DDX60: variants seen among roughly 807,000 people sequenced by gnomAD.
DDX60 encodes DExD/H-box helicase 60, also known as probable ATP-dependent RNA helicase DDX60.
In DDX60, 165 loss-of-function variants were observed where a neutral mutation model predicts 212.8. The observed-to-expected ratio is 0.78, with a 90% CI of 0.68 to 0.88. The LOEUF is 0.88. Ranked by LOEUF, DDX60 falls within the 40% of genes least tolerant of loss-of-function variation. DDX60 has a pLI of 0.00. For synonymous variants in DDX60, 703 were observed against 685.3 expected, an observed-to-expected ratio of 1.03 and a Z score of -0.40; for missense variants, 1,905 against 2,003.9, an observed-to-expected ratio of 0.95 and a Z score of 0.94.
chr4:168,280,645 C>T lies in DDX60; in HGVS notation c.1723-55G>A, dbSNP rs1199742354. On this transcript the variant is annotated intron_variant, in intron 13 of 37. Coordinates refer to ENST00000393743, the MANE Select transcript of DDX60 (RefSeq NM_017631.6). Reference sequence around the variant, plus strand: ...ACAAGTTGAAAATATTCCAAGATAACAGGTCATGAGTGAGACAATATTATG... The same window carrying T: ...ACAAGTTGAAAATATTCCAAGATAATAGGTCATGAGTGAGACAATATTATG... 4 of 1,540,118 alleles carry T rather than the reference C, an allele frequency of 2.6e-6. No homozygotes were observed. The African/African-American group carries it at 5.5e-5, about 21-fold the overall frequency.
At chr4:168,307,951 G>C in intron 4 of DDX60, 55 bp downstream of exon 4, 2 of 1,092,998 alleles carry the variant, frequency 1.8e-6, no homozygotes, top group Non-Finnish European at 2.5e-6. Context: ...TAATAATTTA[G>C]GAAATTTTAG....
intron 33 of DDX60, chr4:168,236,046 C>T (rs1733619949): frequency 2.2e-6 from 1 of 444,814 alleles, no homozygotes; most frequent in Non-Finnish European, 3.9e-6. Flanking sequence ...TCTTTTTTTT[C>T]ACAAAGACTT....
At chr4:168,303,041 A>G (rs190251474) in intron 5 of DDX60, among the ~76,000 whole-genome samples, 16 of 152,214 alleles carry the variant, frequency 1.1e-4, no homozygotes, top group African/African-American at 3.9e-4. Context: ...GGTGGCTCAC[A>G]CCTGTAATCC....
intron 22 of DDX60, 29 bp downstream of exon 22, chr4:168,267,553 A>C: frequency 8.2e-7 from 1 of 1,213,238 alleles, no homozygotes; most frequent in Non-Finnish European, 1.1e-6. Context: ...TATATTACTT[A>C]GAACAAATAT....
At chr4:168,305,298 A>G (rs926735463) in intron 5 of DDX60, among the ~76,000 whole-genome samples, 1 of 152,244 alleles carries the variant, frequency 6.6e-6, no homozygotes, top group Admixed American at 6.5e-5. Flanking sequence ...GACTGTACTA[A>G]CTAAAGCAAT....
chr4:168,238,427 GGGAAGGGAAGGGAAGGGA>G (rs1733714584), intron 30 of DDX60, among the ~76,000 whole-genome samples: 1 of 4,566 alleles, frequency 2.2e-4, no homozygotes, highest in African/African-American at 7.2e-4. Context: ...GGGGAGGGAA[GGGAAGGGAAGGGAAGGGA>G]AGGGAAGGGA....
chr4:168,325,036 A>AT, the DDX60 span, among the ~76,000 whole-genome samples: 1 of 152,190 alleles, frequency 6.6e-6, no homozygotes, highest in African/African-American at 2.4e-5. Flanking sequence ...ATTATAGCAG[A>AT]TTTTTTTAAA....
At chr4:168,243,402 A>C (rs1733917331) in intron 30 of DDX60, among the ~76,000 whole-genome samples, 1 of 152,208 alleles carries the variant, frequency 6.6e-6, no homozygotes, top group Non-Finnish European at 1.5e-5. Context: ...GAACTTAAAC[A>C]AATTTATAAG....
chr4:168,265,985 C>A (rs1174883283), intron 22 of DDX60, among the ~76,000 whole-genome samples: 1 of 152,044 alleles, frequency 6.6e-6, no homozygotes, highest in Non-Finnish European at 1.5e-5. Context: ...AGTTAAGTCA[C>A]AAGAATTTTG....
At chr4:168,287,252 A>C in intron 9 of DDX60, 49 bp from the exon 10 acceptor site, 1 of 1,456,752 alleles carries the variant, frequency 6.9e-7, no homozygotes, top group Non-Finnish European at 9.4e-7. Flanking sequence ...CCACTCCCAC[A>C]TAAAGAATCA....
chr4:168,313,928 T>C (rs1737250665), intron 1 of DDX60, among the ~76,000 whole-genome samples: 2 of 152,258 alleles, frequency 1.3e-5, no homozygotes, highest in African/African-American at 4.8e-5. Context: ...CGTTAAACAC[T>C]GTGAAACTTT....
intron 19 of DDX60, among the ~76,000 whole-genome samples, chr4:168,270,536 G>T (rs1735044248): frequency 6.6e-6 from 1 of 152,150 alleles, no homozygotes; most frequent in South Asian, 2.1e-4. Flanking sequence ...AATAGCCAAA[G>T]TCATATCGTC....
chr4:168,225,698 T>C (rs1227314513), intron 33 of DDX60, 22 bp from the exon 34 acceptor site: 5 of 1,604,954 alleles, frequency 3.1e-6, no homozygotes, highest in Non-Finnish European at 4.2e-6. Flanking sequence ...ATAATTTTCA[T>C]AGAGATAGAT....
rs573533312 is a variant in DDX60 at position 168,318,734 on chromosome 4, A to G, written c.-219T>C. On this transcript the variant is annotated 5_prime_UTR_variant, in exon 1 of 38. Coordinates refer to ENST00000393743, the MANE Select transcript of DDX60 (RefSeq NM_017631.6). ...AGGTGGAAGTTCCAGGTTACCCCAG[A>G]CCTGGCCTAGGACTCGGCGCTCTGA... The G allele has an allele frequency of 1.3e-5, 2 of 152,338 alleles. No individual in the cohort carries two copies. Among genetic ancestry groups the G allele is most frequent in the African/African-American group, 4.8e-5 (2 of 41,566 alleles). 9.4% of individuals were successfully genotyped at this position (152,338 alleles called of 1,614,324 possible). A position where few individuals can be genotyped will look rare whatever the true frequency, so the allele number is the denominator to read the frequency against.
rs933189085 is a variant in DDX60, at chr4:168,310,915, T to C, written c.74+83A>G. On this transcript the variant is annotated intron_variant, in intron 3 of 37. Coordinates refer to ENST00000393743, the MANE Select transcript of DDX60 (RefSeq NM_017631.6). ...CCCTACATTGTTCAATGGTCAACTG[T>C]CTATAAATCAGCATAAGGCCAAATA... 2.6e-6 allele frequency: 2 copies of C among 775,518 alleles called. 1 individual carries two copies. The highest frequency in any genetic ancestry group is 3.4e-5 in the South Asian group (2 of 59,048). The allele number at this position is 775,518 out of a possible 1,614,324, so 48.0% of individuals were successfully genotyped here. A position where few individuals can be genotyped will look rare whatever the true frequency, so the allele number is the denominator to read the frequency against.
chr4:168,272,024 G>A lies in DDX60; in HGVS notation c.2670+19C>T. The A allele has an allele frequency of 6.4e-7, 1 of 1,551,910 alleles. No homozygotes were observed. On this transcript the variant is annotated intron_variant, in intron 19 of 37. Transcript: ENST00000393743. Reference sequence around the variant, plus strand: ...AGTGTGCACTAGGGAATTAAGCAAAGAAAGAACACCAAACCTACCTCATCA... The same window carrying A: ...AGTGTGCACTAGGGAATTAAGCAAAAAAAGAACACCAAACCTACCTCATCA...
rs1736963751 is a variant in DDX60 at position 168,308,039 on chromosome 4, G to T, written c.231C>A (p.Ser77Arg). 1 of 1,603,446 alleles carries T rather than the reference G, an allele frequency of 6.2e-7. No individual in the cohort carries two copies. The highest frequency in any genetic ancestry group is 1.1e-5 in the South Asian group (1 of 87,762). Residue 77 changes from serine to arginine, a missense_variant, in exon 4 of 38, where the codon AGC becomes AGA. Physicochemically the swap from Ser to Arg is moderately radical, Grantham distance 110 (BLOSUM62 -1). Transcript: ENST00000393743. ...LVERYLVDLI[S>R]KGGQFTIVFF... ...AAACTATGGTGAATTGTCCTCCTTTGCTAATAAGATCCACAAGATAGCGTT... is the reference window on the plus strand; with the variant it reads ...AAACTATGGTGAATTGTCCTCCTTTTCTAATAAGATCCACAAGATAGCGTT...
At chr4:168,275,610 C>T (rs1735300183) in intron 15 of DDX60, 107 bp from the exon 16 acceptor site, 2 of 974,704 alleles carry the variant, frequency 2.1e-6, no homozygotes. Context: ...AGCATTTTAC[C>T]ACCTTTTAAA....
intron 14 of DDX60, among the ~76,000 whole-genome samples, chr4:168,278,037 T>A (rs575240115): frequency 6.6e-6 from 1 of 152,130 alleles, no homozygotes; most frequent in African/African-American, 2.4e-5. Context: ...CATTGATGCC[T>A]CAGTGTTGGT....
Sources: allele counts gnomAD v4.1 joint callset (sites outside exome capture counted in the v4.1 genomes callset), GRCh38; gene constraint gnomAD v4.1.1; transcripts MANE v1.5; gene names NCBI Gene and HGNC (gene_info 2026-07-23, HGNC 2026-07-21).